CDH13: variants seen among roughly 807,000 people sequenced by gnomAD.
The protein encoded by CDH13 is cadherin-13.
Under a neutral mutation model 63.8 loss-of-function variants are expected in CDH13, and 24 were observed. The ratio of observed to expected loss-of-function variants is 0.38; its 90% CI spans 0.27 to 0.53. The LOEUF (loss-of-function observed/expected upper bound fraction) is 0.53, where lower values mean the gene tolerates loss of function less well. Among genes scored for constraint, CDH13 ranks in the 20% least tolerant of loss-of-function variants. The probability of loss-of-function intolerance (pLI) is 0.85; values close to 1 mark genes in which losing one functional copy is unlikely to be tolerated. For missense variants in CDH13, 1,049 were observed against 903.1 expected (o/e 1.16, Z -2.07); for synonymous variants, 503 against 355.3 (o/e 1.42, Z -4.67).
At chr16:82,973,537 G>C (rs564056467) in intron 2 of CDH13, among the ~76,000 whole-genome samples, 1 of 152,162 alleles carries the variant, frequency 6.6e-6, no homozygotes, top group Non-Finnish European at 1.5e-5. Flanking sequence ...ACAAGGTGTA[G>C]TCCCTACTTT....
chr16:82,819,469 C>T (rs1005232893), intron 1 of CDH13, among the ~76,000 whole-genome samples: 9 of 152,184 alleles, frequency 5.9e-5, no homozygotes, highest in African/African-American at 1.9e-4. Context: ...CTGCCTGTCC[C>T]ACTGTTCCTC....
intron 3 of CDH13, among the ~76,000 whole-genome samples, chr16:83,102,386 G>A (rs917942196): frequency 2.0e-5 from 3 of 152,234 alleles, no homozygotes; most frequent in Non-Finnish European, 4.4e-5. Flanking sequence ...CAGGCAGGGA[G>A]ACCAGCAAAT....
chr16:83,033,525 A>G (rs1916572299), intron 3 of CDH13, among the ~76,000 whole-genome samples: 1 of 152,152 alleles, frequency 6.6e-6, no homozygotes, highest in Non-Finnish European at 1.5e-5. Flanking sequence ...GTGTATATGT[A>G]TGTGTGTATA....
chr16:83,137,175 G>T (rs540305723), intron 4 of CDH13, among the ~76,000 whole-genome samples: 1 of 152,346 alleles, frequency 6.6e-6, no homozygotes, highest in South Asian at 2.1e-4. Flanking sequence ...CTCATGCCCA[G>T]TTTAGCAGTG....
intron 4 of CDH13, among the ~76,000 whole-genome samples, chr16:83,191,494 T>TATATATATATATATGCAC (rs2038704806): frequency 1.4e-5 from 1 of 69,028 alleles, no homozygotes; most frequent in African/African-American, 5.9e-5. Context: ...TATATGCACA[T>TATATATATATATATGCAC]ATATATATAT....
chr16:83,256,128 A>G (rs1032369120), intron 5 of CDH13, among the ~76,000 whole-genome samples: 8 of 152,106 alleles, frequency 5.3e-5, no homozygotes, highest in Admixed American at 3.9e-4. Flanking sequence ...TGACTTCCTG[A>G]GCTGAAGTGA....
Position 82,987,790 on chromosome 16 carries a change from T to C in CDH13, c.158-44220T>C, listed in dbSNP as rs78367584. On this transcript the variant is annotated intron_variant, in intron 2 of 13. Coordinates refer to ENST00000567109, the MANE Select transcript of CDH13 (RefSeq NM_001257.5). ...CTATGGCTGCATTCTTCAGCAAGGG[T>C]CTGTGGGTTTTGCTATTGCTTAGAG... Among the ~76,000 whole-genome samples the C allele has an allele frequency of 6.1e-3, 923 of 152,246 alleles. 1 individual carries two copies. Among genetic ancestry groups the C allele is most frequent in the African/African-American group, 0.021 (865 of 41,542 alleles).
chr16:83,715,678 G>C (rs984963830), intron 10 of CDH13, among the ~76,000 whole-genome samples: 4 of 152,282 alleles, frequency 2.6e-5, no homozygotes, highest in African/African-American at 9.6e-5. Flanking sequence ...TCCCTCAGGG[G>C]AGCCCTGGTG....
intron 3 of CDH13, among the ~76,000 whole-genome samples, chr16:83,070,936 A>C (rs934883347): frequency 4.9e-5 from 7 of 141,730 alleles, no homozygotes; most frequent in Admixed American, 3.6e-4. Flanking sequence ...TTAAGTTAGG[A>C]GGGGAGTTAT....
At chr16:83,651,394 A>G (rs1235128135) in intron 8 of CDH13, among the ~76,000 whole-genome samples, 1 of 152,064 alleles carries the variant, frequency 6.6e-6, no homozygotes, top group African/African-American at 2.4e-5. Flanking sequence ...TCATGTAAGC[A>G]TTTTATAAAT....
At chr16:83,138,850 A>C (rs1264179698) in intron 4 of CDH13, among the ~76,000 whole-genome samples, 1 of 152,070 alleles carries the variant, frequency 6.6e-6, no homozygotes, top group Admixed American at 6.6e-5. Flanking sequence ...GGAGAGGCAG[A>C]AGGACTGGAA....
chr16:82,833,389 T>G (rs964456055), intron 1 of CDH13, among the ~76,000 whole-genome samples: 1 of 152,198 alleles, frequency 6.6e-6, no homozygotes, highest in Non-Finnish European at 1.5e-5. Context: ...GTTGCATAGA[T>G]AGTAAATTGT....
At chr16:83,028,885 A>T (rs139274869) in intron 2 of CDH13, among the ~76,000 whole-genome samples, 44 of 152,278 alleles carry the variant, frequency 2.9e-4, no homozygotes, top group African/African-American at 9.6e-4. Context: ...GAAGGGTTGT[A>T]TTCTCCATGG....
chr16:83,657,600 G>A (rs913097651), intron 8 of CDH13, among the ~76,000 whole-genome samples: 8 of 152,194 alleles, frequency 5.3e-5, no homozygotes, highest in South Asian at 2.1e-4. Context: ...CTTCTTTGCT[G>A]GAGAGGCTGT....
At chr16:83,498,683 T>A (rs1171144470) in intron 7 of CDH13, among the ~76,000 whole-genome samples, 2 of 152,184 alleles carry the variant, frequency 1.3e-5, no homozygotes, top group Non-Finnish European at 1.5e-5. Flanking sequence ...AGCCCATGCA[T>A]TTTTTCTCCC....
In CDH13 at chr16:83,799,403, G is replaced by C. The variant is rs1904302999; in HGVS notation, c.*4373G>C. The C allele has an allele frequency of 6.6e-6, 1 of 152,084 alleles. No individual in the cohort carries two copies. Among genetic ancestry groups the C allele is most frequent in the Non-Finnish European group, 1.5e-5 (1 of 68,040 alleles). The allele number at this position is 152,084 out of a possible 1,614,324, so 9.4% of individuals were successfully genotyped here. On this transcript the variant is annotated 3_prime_UTR_variant, in exon 14 of 14. Coordinates refer to ENST00000567109, the MANE Select transcript of CDH13 (RefSeq NM_001257.5). ...GGGAGAGAAAACTGAGGGAGAAAGT[G>C]GGGTGGGGTCTCAAAGGGTTTGCAC... is the stretch of plus-strand genomic sequence containing the variant.
At chr16:83,140,890 A>G (rs1229701435) in intron 4 of CDH13, among the ~76,000 whole-genome samples, 1 of 152,224 alleles carries the variant, frequency 6.6e-6, no homozygotes, top group East Asian at 1.9e-4. Context: ...ATGCCCAGCA[A>G]TGTATTTTTT....
intron 8 of CDH13, among the ~76,000 whole-genome samples, chr16:83,660,930 A>G (rs1003333697): frequency 1.5e-4 from 7 of 47,356 alleles, no homozygotes; most frequent in African/African-American, 4.1e-4. Context: ...GAAATTGAAG[A>G]AAAAAAAATG....
chr16:83,093,889 G>A (rs1361550972), intron 3 of CDH13, among the ~76,000 whole-genome samples: 45 of 152,170 alleles, frequency 3.0e-4, no homozygotes, highest in Non-Finnish European at 2.9e-5. Flanking sequence ...GATAAGAAGT[G>A]GGAACTCCGT....
Sources: allele counts gnomAD v4.1 joint callset (sites outside exome capture counted in the v4.1 genomes callset), GRCh38; gene constraint gnomAD v4.1.1; transcripts MANE v1.5; gene names NCBI Gene and HGNC (gene_info 2026-07-23, HGNC 2026-07-21).